Variants in BTBD9 observed in about 807,000 individuals in gnomAD.
BTBD9 encodes the protein BTB/POZ domain-containing protein 9.
BTBD9 carries 49 observed loss-of-function variants against 64.3 expected under a neutral mutation model. The observed-to-expected ratio is 0.76, with a 90% CI of 0.61 to 0.97. The LOEUF is 0.97. Among genes scored for constraint, BTBD9 ranks in the 50% least tolerant of loss-of-function variants. BTBD9 has a pLI of 0.00. For synonymous variants in BTBD9, 260 were observed against 274.7 expected, an observed-to-expected ratio of 0.95 and a Z score of 0.53; for missense variants, 598 against 762.1, an observed-to-expected ratio of 0.78 and a Z score of 2.53.
intron 1 of BTBD9, among the ~76,000 whole-genome samples, chr6:38,626,606 T>A (rs1453582531): frequency 6.6e-6 from 1 of 152,170 alleles, no homozygotes; most frequent in Admixed American, 6.6e-5. Flanking sequence ...TCCACCTGAA[T>A]TAGGTCAATT....
chr6:38,405,820 G>C (rs1767137722), intron 6 of BTBD9, among the ~76,000 whole-genome samples: 1 of 152,090 alleles, frequency 6.6e-6, no homozygotes, highest in Admixed American at 6.5e-5. Flanking sequence ...TTCTAGTGTT[G>C]GTCTAAATAT....
chr6:38,210,103 G>A (rs960643218), intron 9 of BTBD9, among the ~76,000 whole-genome samples: 1 of 152,014 alleles, frequency 6.6e-6, no homozygotes, highest in Non-Finnish European at 1.5e-5. Context: ...AATGCTCGAC[G>A]TCTCACTCAG....
Position 38,328,680 on chromosome 6 carries a change from G to A in BTBD9, c.1264+16304C>T, listed in dbSNP as rs923813777. Among the ~76,000 whole-genome samples, 3 of 149,736 alleles carry A rather than the reference G, an allele frequency of 2.0e-5. No homozygotes were observed. The East Asian group carries it at 6.2e-4, about 31-fold the overall frequency. On this transcript the variant is annotated intron_variant, in intron 7 of 10. Transcript: ENST00000481247. ...CGTATATTTGGGGCCGGGCGCGGTG[G>A]CTCACGCCTGTAATCTCAGCACTTT... is the stretch of plus-strand genomic sequence containing the variant.
intron 6 of BTBD9, among the ~76,000 whole-genome samples, chr6:38,512,027 G>A (rs985040907): frequency 6.6e-5 from 10 of 152,134 alleles, no homozygotes; most frequent in African/African-American, 2.4e-4. Context: ...AGGCTGGAGT[G>A]CAATGGCACA....
intron 6 of BTBD9, among the ~76,000 whole-genome samples, chr6:38,372,406 G>A (rs539247240): frequency 1.3e-5 from 2 of 152,252 alleles, no homozygotes; most frequent in South Asian, 4.2e-4. Context: ...TGGGGTTTTA[G>A]TGGGTTGGTA....
At position 38,174,688 on chromosome 6, in the gene BTBD9, G is replaced by A. The variant is rs1395718678; in HGVS notation, c.*297C>T. On this transcript the variant is annotated 3_prime_UTR_variant, in exon 11 of 11. Transcript: ENST00000481247. ...ACAGGCCTGTCTATGACTTCCTCCT[G>A]TTCCCTGCGCCTGGGCTAGATTAGA... 1 of 416,398 alleles carries A rather than the reference G, an allele frequency of 2.4e-6. No homozygotes were observed. The highest frequency in any genetic ancestry group is 4.0e-5 in the East Asian group (1 of 24,784). 25.8% of individuals were successfully genotyped at this position (416,398 alleles called of 1,614,324 possible). A position where few individuals can be genotyped will look rare whatever the true frequency, so the allele number is the denominator to read the frequency against.
chr6:38,492,541 C>T (rs1054912175), intron 6 of BTBD9, among the ~76,000 whole-genome samples: 17 of 152,134 alleles, frequency 1.1e-4, no homozygotes, highest in Non-Finnish European at 1.0e-4. Flanking sequence ...CTTACATCAT[C>T]CTCTCATTCA....
At position 38,304,537 on chromosome 6, in the gene BTBD9, C is replaced by T. The variant is rs57012325; in HGVS notation, c.1265-16076G>A. ...CTCCAGCCTGGGCAACAAAGCAAGGCTCCGTCTCAAAAAACAAACAAAAAA... is the reference window on the plus strand; with the variant it reads ...CTCCAGCCTGGGCAACAAAGCAAGGTTCCGTCTCAAAAAACAAACAAAAAA... On this transcript the variant is annotated intron_variant, in intron 7 of 10. Transcript: ENST00000481247. Among the ~76,000 whole-genome samples, 4,531 of 151,250 alleles carry T rather than the reference C, an allele frequency of 0.03. 524 individuals are homozygous for T. In the East Asian group the frequency reaches 0.39, roughly 13 times the overall value.
At chr6:38,510,327 T>C (rs1772721867) in intron 6 of BTBD9, among the ~76,000 whole-genome samples, 1 of 152,208 alleles carries the variant, frequency 6.6e-6, no homozygotes, top group African/African-American at 2.4e-5. Flanking sequence ...GGTATCTGTA[T>C]ATCTAAACAC....
chr6:38,197,730 GAAA>G (rs1313926093), intron 9 of BTBD9, among the ~76,000 whole-genome samples: 1 of 152,232 alleles, frequency 6.6e-6, no homozygotes, highest in Non-Finnish European at 1.5e-5. Context: ...AAACTGGAAA[GAAA>G]AGAGGCTCAG....
intron 6 of BTBD9, among the ~76,000 whole-genome samples, chr6:38,524,238 T>C (rs572464671): frequency 2.0e-5 from 3 of 152,220 alleles, no homozygotes; most frequent in Admixed American, 2.0e-4. Flanking sequence ...TTTTTAAGTA[T>C]ACAAAAGGTT....
intron 6 of BTBD9, among the ~76,000 whole-genome samples, chr6:38,393,451 A>G (rs1766527109): frequency 6.6e-6 from 1 of 152,184 alleles, no homozygotes; most frequent in Non-Finnish European, 1.5e-5. Context: ...TAAATTTCAA[A>G]TCCAGAAACA....
chr6:38,285,834 G>A (rs947438454), intron 8 of BTBD9, among the ~76,000 whole-genome samples: 8 of 152,128 alleles, frequency 5.3e-5, no homozygotes, highest in Non-Finnish European at 8.8e-5. Flanking sequence ...AGAAATTGTG[G>A]AGGCTATCAG....
At chr6:38,347,293 G>T (rs1764318870) in intron 6 of BTBD9, among the ~76,000 whole-genome samples, 1 of 152,076 alleles carries the variant, frequency 6.6e-6, no homozygotes, top group African/African-American at 2.4e-5. Context: ...TAATATATAT[G>T]GTGGGAAAAG....
intron 6 of BTBD9, among the ~76,000 whole-genome samples, chr6:38,377,767 C>G (rs1765751328): frequency 6.6e-6 from 1 of 151,982 alleles, no homozygotes; most frequent in African/African-American, 2.4e-5. Context: ...TCATATTTAC[C>G]CAAAACATTA....
chr6:38,252,231 C>T (rs1435739276), intron 9 of BTBD9, among the ~76,000 whole-genome samples: 18 of 152,088 alleles, frequency 1.2e-4, no homozygotes, highest in Admixed American at 8.5e-4. Context: ...TATCAAGAGG[C>T]GGAGCTATGA....
rs541413787 is a variant in BTBD9, at chr6:38,428,059, G to A, written c.1155-82966C>T. Among the ~76,000 whole-genome samples, 3 of 151,994 alleles carry A rather than the reference G, an allele frequency of 2.0e-5. No individual in the cohort carries two copies. In the South Asian group the frequency reaches 6.2e-4, roughly 32 times the overall value. On this transcript the variant is annotated intron_variant, in intron 6 of 10. Coordinates refer to ENST00000481247, the MANE Select transcript of BTBD9 (RefSeq NM_001099272.2). ...AAGCAGGCCCCTTCAAAGGAATGAG[G>A]AACAAAGAGCAGCTACTCTGAGGGC...
intron 6 of BTBD9, among the ~76,000 whole-genome samples, chr6:38,507,462 G>T (rs755184788): frequency 1.3e-5 from 2 of 152,130 alleles, no homozygotes; most frequent in Non-Finnish European, 2.9e-5. Flanking sequence ...GCCTATTCAT[G>T]ATTATTTTAC....
At chr6:38,486,348 A>G (rs1346277015) in intron 6 of BTBD9, among the ~76,000 whole-genome samples, 1 of 152,202 alleles carries the variant, frequency 6.6e-6, no homozygotes, top group Admixed American at 6.5e-5. Flanking sequence ...ACAACTTGGC[A>G]AACTGTCTTA....
Sources: gnomAD v4.1 joint callset for allele counts (sites outside exome capture counted in the v4.1 genomes callset) on GRCh38, gnomAD v4.1.1 for gene constraint, MANE v1.5 for transcripts, NCBI Gene and HGNC (gene_info 2026-07-23, HGNC 2026-07-21) for gene names.